LGR6: variants seen among roughly 807,000 people sequenced by gnomAD.
LGR6 encodes leucine rich repeat containing G protein-coupled receptor 6, also known as leucine-rich repeat-containing G protein-coupled receptor 6.
In LGR6, 45 loss-of-function variants were observed where a neutral mutation model predicts 69.4. The observed-to-expected ratio is 0.65, with a 90% CI of 0.51 to 0.83. LGR6 has a LOEUF of 0.83. Ranked by LOEUF, LGR6 falls within the 40% of genes least tolerant of loss-of-function variation. LGR6 has a pLI of 0.00. For missense variants in LGR6, 1,108 were observed against 1,246.7 expected, an observed-to-expected ratio of 0.89 and a Z score of 1.68; for synonymous variants, 538 against 555.0, an observed-to-expected ratio of 0.97 and a Z score of 0.43.
intron 4 of LGR6, among the ~76,000 whole-genome samples, chr1:202,239,013 G>A (rs1275104509): frequency 1.3e-5 from 2 of 152,198 alleles, no homozygotes; most frequent in African/African-American, 2.4e-5. Context: ...TCAGCCCCAA[G>A]TGAGGACGGG....
rs1011450884 is a variant in LGR6, at chr1:202,268,248, G to A, written c.429-8058G>A. ...GCAGAAGCTGGCACCTGGCACTGGC[G>A]GCTGGTGCTGGTGTGGGAGGCTGGG... On this transcript the variant is annotated intron_variant, in intron 4 of 17. Coordinates refer to ENST00000367278, the MANE Select transcript of LGR6 (RefSeq NM_001017403.2). This position sits in a 1 kb window ranked among gnomAD's most constrained non-coding sequence, Gnocchi z 4.4. Among the ~76,000 whole-genome samples, 3 of 152,306 alleles carry A rather than the reference G, an allele frequency of 2.0e-5. No individual in the cohort carries two copies. The highest frequency in any genetic ancestry group is 1.9e-4 in the East Asian group (1 of 5,174).
Position 202,304,591 on chromosome 1 carries a change from C to T in LGR6, c.1031C>T (p.Pro344Leu). 6.2e-7 allele frequency: 1 copy of T among 1,611,248 alleles called. No individual in the cohort carries two copies. ...ACCCGCGCAGGCATCCGGCTGCTCC[C>T]ATCGGGGATGTGCCAACAGCTGCCC... ...TLTRAGIRLL[P>L]SGMCQQLPRL... The change falls in exon 11 of 18, where the codon CCA (proline) becomes CTA (leucine). Residue 344 changes from proline (P) to leucine (L), a missense_variant. Transcript: ENST00000367278.
chr1:202,297,364 T>C, intron 6 of LGR6, 144 bp from the exon 7 acceptor site: 3 of 664,098 alleles, frequency 4.5e-6, no homozygotes, highest in Non-Finnish European at 8.0e-6. Flanking sequence ...TTCCAAAATG[T>C]GTTTCCAGAC....
intron 4 of LGR6, among the ~76,000 whole-genome samples, chr1:202,253,567 T>TA (rs1663461702): frequency 6.7e-6 from 1 of 150,248 alleles, no homozygotes; most frequent in African/African-American, 2.4e-5. Flanking sequence ...CCTCCCAAAG[T>TA]GCTGGGACTA....
At position 202,286,001 on chromosome 1, in the gene LGR6, G is replaced by A. The variant is rs375731309; in HGVS notation, c.716+5149G>A. Among the ~76,000 whole-genome samples, 108 of 152,164 alleles carry A rather than the reference G, an allele frequency of 7.1e-4. 1 individual carries two copies. Among genetic ancestry groups the A allele is most frequent in the African/African-American group, 1.7e-3 (70 of 41,520 alleles). ...CTCCAATCTCTTACTCTATCTTCAC[G>A]TTGCCTTTTTTGTTTTCTTCTGTGT... On this transcript the variant is annotated intron_variant, in intron 6 of 17. Transcript: ENST00000367278.
intron 1 of LGR6, chr1:202,194,709 GGGGGC>G: frequency 3.6e-6 from 1 of 274,090 alleles, no homozygotes. Context: ...TGGGGGCGGG[GGGGGC>G]GGGTTTCCTA....
At chr1:202,299,712 G>T (rs142197353) in intron 7 of LGR6, among the ~76,000 whole-genome samples, 3 of 152,248 alleles carry the variant, frequency 2.0e-5, no homozygotes, top group African/African-American at 7.2e-5. Context: ...GTGTCTGAGC[G>T]TGAAGCTGTG....
chr1:202,238,426 T>A (rs1313413869), intron 4 of LGR6, among the ~76,000 whole-genome samples: 2 of 148,696 alleles, frequency 1.3e-5, no homozygotes, highest in Non-Finnish European at 3.0e-5. Flanking sequence ...TTTTTTTTTT[T>A]TTTTTTTTTT....
rs143648261 is a variant in LGR6, at chr1:202,297,552, G to A, written c.761G>A (p.Arg254Gln). 1.4e-4 allele frequency: 218 copies of A among 1,613,886 alleles called. 1 individual carries two copies. The East Asian group carries it at 4.5e-3, about 33-fold the overall frequency. Residue 254 changes from arginine to glutamine, a missense_variant, in exon 7 of 18, where the codon CGG becomes CAG. Physicochemically the swap from Arg to Gln is conservative, Grantham distance 43. Transcript: ENST00000367278. ...CTGCAGGAGTTCCCTGTGGCCATCCGGACCCTGGGCAGACTGCAGGAACTG... is the reference window on the plus strand; with the variant it reads ...CTGCAGGAGTTCCCTGTGGCCATCCAGACCCTGGGCAGACTGCAGGAACTG... ...NKLQEFPVAI[R>Q]TLGRLQELGF... is the part of the protein sequence containing the mutation.
intron 4 of LGR6, among the ~76,000 whole-genome samples, chr1:202,266,586 AT>A (rs2148124875): frequency 6.6e-6 from 1 of 151,008 alleles, no homozygotes; most frequent in South Asian, 2.1e-4. Flanking sequence ...TACCTTTCGC[AT>A]CTGACCCAAG....
At chr1:202,306,987 C>G (rs755267363) in intron 13 of LGR6, 48 bp downstream of exon 13, 2 of 1,482,674 alleles carry the variant, frequency 1.3e-6, no homozygotes, top group South Asian at 2.3e-5. Context: ...CACCGTGTCC[C>G]TCTGCTAGGC....
At position 202,297,509 on chromosome 1, in the gene LGR6, G is replaced by A; in HGVS notation, c.718G>A (p.Asp240Asn). ...FEGLHNLETLDLNYNKLQEFP... is the reference protein window; with the variant it reads ...FEGLHNLETLNLNYNKLQEFP... The stretch of plus-strand genomic sequence containing the variant: ...TGACTGCTCTGCTTTCTGTTCCAGA[G>A]ACCTGAATTATAACAAGCTGCAGGA... Residue 240 changes from aspartate to asparagine, a missense_variant and splice_region_variant, in exon 7 of 18, where the codon GAC becomes AAC. Transcript: ENST00000367278. 2 of 1,613,602 alleles carry A rather than the reference G, an allele frequency of 1.2e-6. No homozygotes were observed. The highest frequency in any genetic ancestry group is 1.7e-6 in the Non-Finnish European group (2 of 1,179,716).
At chr1:202,203,880 G>A in intron 1 of LGR6, 1 of 1,610,358 alleles carries the variant, frequency 6.2e-7, no homozygotes, top group African/African-American at 1.3e-5. Context: ...TGCCCGGTGA[G>A]TTGTTGCATG....
At chr1:202,216,434 A>G (rs1659787100) in intron 1 of LGR6, among the ~76,000 whole-genome samples, 1 of 152,224 alleles carries the variant, frequency 6.6e-6, no homozygotes. Context: ...ATGCCCTGCG[A>G]TGATGGATGT....
At chr1:202,253,545 C>G (rs1185455553) in intron 4 of LGR6, among the ~76,000 whole-genome samples, 1 of 151,588 alleles carries the variant, frequency 6.6e-6, no homozygotes, top group Non-Finnish European at 1.5e-5. Flanking sequence ...CCTCGTGATC[C>G]GCCTGCCTCG....
At position 202,225,460 on chromosome 1, in the gene LGR6, G is replaced by T. The variant is rs778567528; in HGVS notation, c.250G>T (p.Gly84Cys). 2.4e-5 allele frequency: 39 copies of T among 1,613,850 alleles called. No homozygotes were observed. The East Asian group carries it at 8.0e-4, about 33-fold the overall frequency. Residue 84 changes from glycine (G) to cysteine (C), a missense_variant, in exon 2 of 18, where the codon GGC becomes TGC. Transcript: ENST00000367278. ...SMNNLTELQPGLFHHLRFLEE... is the reference protein window; with the variant it reads ...SMNNLTELQPCLFHHLRFLEE... The stretch of plus-strand genomic sequence containing the variant: ...GAACAACCTCACAGAGCTTCAGCCT[G>T]GCCTCTTCCACCACCTGCGCTTCTT...
chr1:202,196,316 A>G (rs1658638782), intron 1 of LGR6, among the ~76,000 whole-genome samples: 1 of 152,086 alleles, frequency 6.6e-6, no homozygotes, highest in South Asian at 2.1e-4. Flanking sequence ...TCTCTGGAGA[A>G]CAGCTCTACC....
chr1:202,198,251 G>GCCA (rs1316561628), intron 1 of LGR6, among the ~76,000 whole-genome samples: 1 of 152,152 alleles, frequency 6.6e-6, no homozygotes, highest in Non-Finnish European at 1.5e-5. Flanking sequence ...TGTGGCATTT[G>GCCA]CCACAACAAA....
intron 6 of LGR6, among the ~76,000 whole-genome samples, chr1:202,290,701 C>T (rs946379989): frequency 6.6e-6 from 1 of 152,122 alleles, no homozygotes; most frequent in African/African-American, 2.4e-5. Context: ...GGAGAAACCC[C>T]ATCTCTACTA....
Sources: allele counts gnomAD v4.1 joint callset (sites outside exome capture counted in the v4.1 genomes callset), GRCh38; gene constraint gnomAD v4.1.1; non-coding constraint Gnocchi (gnomAD v3.1); transcripts MANE v1.5; gene names NCBI Gene and HGNC (gene_info 2026-07-23, HGNC 2026-07-21).